ERCC6L2: variants seen among roughly 807,000 people sequenced by gnomAD.
ERCC6L2 encodes DNA excision repair protein ERCC-6-like 2.
A neutral mutation model predicts 132.0 loss-of-function variants in ERCC6L2; 77 were observed. The ratio of observed to expected loss-of-function variants is 0.58; its 90% CI spans 0.49 to 0.71. The LOEUF (loss-of-function observed/expected upper bound fraction) is 0.71. Ranked by LOEUF, ERCC6L2 falls within the 30% of genes least tolerant of loss-of-function variation. The pLI is 0.00. For synonymous variants in ERCC6L2, 583 were observed against 632.4 expected, an observed-to-expected ratio of 0.92 and a Z score of 1.17; for missense variants, 1,542 against 1,837.6, an observed-to-expected ratio of 0.84 and a Z score of 2.94.
rs188199546 is a variant in ERCC6L2, at chr9:95,984,479, C to T, written c.3492+6264C>T. Among the ~76,000 whole-genome samples the T allele has an allele frequency of 2.7e-4, 41 of 152,068 alleles. No homozygotes were observed. The East Asian group carries it at 4.8e-3, about 18-fold the overall frequency. On this transcript the variant is annotated intron_variant, in intron 17 of 18. Transcript: ENST00000653738. ...TCACTCTCCCATTCAAGATCTACCT[C>T]AAATGCGTCCTCTCTTCCACAAAGT...
At chr9:95,945,548 A>G (rs185871032) in intron 12 of ERCC6L2, among the ~76,000 whole-genome samples, 23 of 152,364 alleles carry the variant, frequency 1.5e-4, no homozygotes, top group Non-Finnish European at 2.6e-4. Flanking sequence ...TGGGGAAGTG[A>G]TAAGTGTCCA....
Position 95,894,584 on chromosome 9 carries a change from C to CTT in ERCC6L2, c.472-3239_472-3238dup, listed in dbSNP as rs1218474585. Among the ~76,000 whole-genome samples the CTT allele has an allele frequency of 2.3e-3, 193 of 83,504 alleles. 43 individuals are homozygous for CTT. Among genetic ancestry groups the CTT allele is most frequent in the African/African-American group, 0.01 (167 of 16,692 alleles). The allele number at this position is 83,504 out of a possible 152,430, so 54.8% of individuals were successfully genotyped here. A position where few individuals can be genotyped will look rare whatever the true frequency, so the allele number is the denominator to read the frequency against. On this transcript the variant is annotated intron_variant, in intron 2 of 18. Coordinates refer to ENST00000653738, the MANE Select transcript of ERCC6L2 (RefSeq NM_020207.7). Reference sequence around the variant, plus strand: ...CTTCTGTGGCCTGGCATATGTCAGCCTTTTTTTTTTTTTTTTTTTTTTTTT... The same window carrying CTT: ...CTTCTGTGGCCTGGCATATGTCAGCCTTTTTTTTTTTTTTTTTTTTTTTTTTT...
At chr9:96,038,908 G>A (rs970453981) in exon 20 of ERCC6L2, 2 of 456,172 alleles carry the variant, frequency 4.4e-6, no homozygotes, top group South Asian at 1.5e-5. Flanking sequence ...TTGTTCTGGA[G>A]GAAGCCAGCA....
At chr9:96,007,971 G>C (rs1425366967) in intron 18 of ERCC6L2, among the ~76,000 whole-genome samples, 1 of 152,088 alleles carries the variant, frequency 6.6e-6, no homozygotes, top group African/African-American at 2.4e-5. Context: ...GCTCTTTGGA[G>C]TGCTGGCGTG....
At chr9:95,893,966 C>T (rs1828306453) in intron 2 of ERCC6L2, among the ~76,000 whole-genome samples, 2 of 152,216 alleles carry the variant, frequency 1.3e-5, no homozygotes, top group African/African-American at 2.4e-5. Context: ...AATACAGATG[C>T]TCCTTGACTT....
chr9:95,998,414 G>C (rs1265838547), intron 17 of ERCC6L2, among the ~76,000 whole-genome samples: 1 of 152,238 alleles, frequency 6.6e-6, no homozygotes, highest in Non-Finnish European at 1.5e-5. Flanking sequence ...AATTAAGGTT[G>C]AATCAGCTGA....
intron 12 of ERCC6L2, among the ~76,000 whole-genome samples, chr9:95,945,954 T>C (rs922261382): frequency 6.6e-6 from 1 of 152,142 alleles, no homozygotes; most frequent in African/African-American, 2.4e-5. Flanking sequence ...AGGTTTATGC[T>C]TATTATGAAA....
intron 17 of ERCC6L2, among the ~76,000 whole-genome samples, chr9:95,996,030 T>C (rs1341815642): frequency 1.3e-5 from 2 of 152,226 alleles, no homozygotes; most frequent in Non-Finnish European, 2.9e-5. Context: ...TGATGACGCT[T>C]CATTAGAAAG....
intron 17 of ERCC6L2, among the ~76,000 whole-genome samples, chr9:95,986,634 C>T (rs914023061): frequency 1.3e-5 from 2 of 151,644 alleles, no homozygotes; most frequent in Non-Finnish European, 2.9e-5. Flanking sequence ...GTAGCTGGGA[C>T]TACAGGCACA....
At chr9:95,881,344 G>T in intron 2 of ERCC6L2, 51 bp downstream of exon 2, 3 of 1,329,368 alleles carry the variant, frequency 2.3e-6, no homozygotes, top group Non-Finnish European at 2.0e-6. Flanking sequence ...TACATGAGTG[G>T]ATACTATATG....
chr9:95,945,942 T>A (rs1831039952), intron 12 of ERCC6L2, among the ~76,000 whole-genome samples: 1 of 152,020 alleles, frequency 6.6e-6, no homozygotes, highest in South Asian at 2.1e-4. Flanking sequence ...AAAATTAGAC[T>A]CAGGTTTATG....
chr9:96,036,467 G>A lies in ERCC6L2; in HGVS notation c.*1504-2409G>A, dbSNP rs900701281. Among the ~76,000 whole-genome samples the A allele has an allele frequency of 5.7e-4, 87 of 152,294 alleles. 1 individual carries two copies. The highest frequency in any genetic ancestry group is 1.9e-3 in the African/African-American group (79 of 41,554). On this transcript the variant is annotated intron_variant and NMD_transcript_variant, in intron 19 of 20. Coordinates refer to the ERCC6L2 transcript ENST00000670016. ...GGTTGTCCACCTCATGGGTGTTCGT[G>A]CTGCTCTGAATTTGGGTGTTGATAT...
intron 19 of ERCC6L2, among the ~76,000 whole-genome samples, chr9:96,026,726 ACACAC>A (rs1237072059): frequency 2.0e-4 from 30 of 146,446 alleles, no homozygotes; most frequent in African/African-American, 7.6e-4. Flanking sequence ...CACACACCAA[ACACAC>A]CACACCACAC....
At chr9:95,968,420 C>T (rs1284538089) in intron 14 of ERCC6L2, 2 of 152,096 alleles carry the variant, frequency 1.3e-5, no homozygotes, top group Non-Finnish European at 2.9e-5. Flanking sequence ...ATTAAAATTA[C>T]TCATTTGTCA....
At chr9:96,024,319 G>C (rs1018347455) in intron 19 of ERCC6L2, among the ~76,000 whole-genome samples, 2 of 152,250 alleles carry the variant, frequency 1.3e-5, no homozygotes, top group Non-Finnish European at 2.9e-5. Context: ...AAAGAGCAGA[G>C]TGAATGAAGG....
At chr9:95,968,396 A>T (rs1832262384) in intron 14 of ERCC6L2, 1 of 152,184 alleles carries the variant, frequency 6.6e-6, no homozygotes, top group African/African-American at 2.4e-5. Context: ...CTTGATTATT[A>T]AGTTAAATTT....
chr9:96,024,161 C>G (rs755493061), intron 19 of ERCC6L2, among the ~76,000 whole-genome samples: 1 of 152,252 alleles, frequency 6.6e-6, no homozygotes, highest in Non-Finnish European at 1.5e-5. Context: ...AGTGATGCCA[C>G]TCACATGGCT....
At chr9:96,021,882 G>A (rs1834297709), downstream of ERCC6L2, 1 of 152,474 alleles carries the variant, frequency 6.6e-6, no homozygotes, top group African/African-American at 2.4e-5. The surrounding 1 kb of genome is among the most constrained non-coding windows in gnomAD (Gnocchi z 4.7). Context: ...CGCCTAGGGG[G>A]TTCCGAGCGC....
At chr9:95,904,446 T>G (rs1241214182) in intron 3 of ERCC6L2, among the ~76,000 whole-genome samples, 2 of 152,138 alleles carry the variant, frequency 1.3e-5, no homozygotes, top group Non-Finnish European at 2.9e-5. Context: ...GGACGTAGAC[T>G]TTTTGATTGA....
Sources: allele counts gnomAD v4.1 joint callset (sites outside exome capture counted in the v4.1 genomes callset), GRCh38; gene constraint gnomAD v4.1.1; non-coding constraint Gnocchi (gnomAD v3.1); transcripts MANE v1.5; gene names NCBI Gene and HGNC (gene_info 2026-07-23, HGNC 2026-07-21).